PROS1: variants seen among roughly 807,000 people sequenced by gnomAD.
PROS1 encodes vitamin K-dependent protein S.
A neutral mutation model predicts 75.9 loss-of-function variants in PROS1; 29 were observed. The ratio of observed to expected loss-of-function variants is 0.38; its 90% CI spans 0.28 to 0.52. The LOEUF is 0.52. Ranked by LOEUF, PROS1 falls within the 20% of genes least tolerant of loss-of-function variation. The pLI is 0.83. For missense variants in PROS1, 680 were observed against 810.3 expected (o/e 0.84, Z 1.95); for synonymous variants, 245 against 280.6 (o/e 0.87, Z 1.27).
intron 3 of PROS1, among the ~76,000 whole-genome samples, chr3:93,913,547 C>T (rs1355795261): frequency 3.3e-5 from 5 of 152,192 alleles, no homozygotes; most frequent in Non-Finnish European, 5.9e-5. Context: ...ATTACCCAGT[C>T]TCAGGTATGT....
chr3:93,934,690 G>A (rs932374398), intron 1 of PROS1, among the ~76,000 whole-genome samples: 8 of 152,088 alleles, frequency 5.3e-5, no homozygotes, highest in African/African-American at 1.9e-4. Context: ...TGAATGAAAT[G>A]TTACACATAT....
chr3:93,932,003 A>G (rs778910655), intron 1 of PROS1, among the ~76,000 whole-genome samples: 15 of 152,254 alleles, frequency 9.9e-5, no homozygotes, highest in Non-Finnish European at 2.2e-4. Flanking sequence ...TTCTTGCCAG[A>G]AAGATACAGG....
At chr3:93,965,522 C>T (rs1709775755) in intron 1 of PROS1, among the ~76,000 whole-genome samples, 1 of 152,138 alleles carries the variant, frequency 6.6e-6, no homozygotes, top group Admixed American at 6.5e-5. Context: ...ACACTCACTG[C>T]ATGGCCGAAG....
chr3:93,970,764 A>C (rs1709867788), intron 1 of PROS1, among the ~76,000 whole-genome samples: 1 of 152,146 alleles, frequency 6.6e-6, no homozygotes, highest in African/African-American at 2.4e-5. Context: ...TTATTTTTAA[A>C]ACAAATAAGT....
intron 1 of PROS1, among the ~76,000 whole-genome samples, chr3:93,929,377 G>A (rs1709072162): frequency 6.6e-6 from 1 of 152,090 alleles, no homozygotes; most frequent in African/African-American, 2.4e-5. Flanking sequence ...TAGTCAGGAG[G>A]CTGAGGCAGG....
intron 2 of PROS1, among the ~76,000 whole-genome samples, chr3:93,925,746 C>CG (rs1311354324): frequency 7.8e-5 from 11 of 140,310 alleles, no homozygotes; most frequent in Admixed American, 5.5e-4. Context: ...ATTGCCTGAG[C>CG]GGGGGGGTCA....
Position 93,886,422 on chromosome 3 carries a change from G to T in PROS1, c.1237C>A (p.Leu413Ile). The T allele has an allele frequency of 6.2e-7, 1 of 1,613,676 alleles. No individual in the cohort carries two copies. Among genetic ancestry groups the T allele is most frequent in the Non-Finnish European group, 8.5e-7 (1 of 1,179,758 alleles). The change falls in exon 11 of 15, where the codon CTT (leucine) becomes ATT (isoleucine). Residue 413 changes from leucine (L) to isoleucine (I), a missense_variant. Leu to Ile is a conservative substitution (Grantham distance 5). Transcript: ENST00000394236. ...AGCAATCCATTTTCCGGCTTAAAAA[G>T]GGGTCCAGGTTTATTTATATCCATC... ...AVMDINKPGP[L>I]FKPENGLLET...
intron 1 of PROS1, among the ~76,000 whole-genome samples, chr3:93,931,718 A>C (rs1709108910): frequency 6.6e-6 from 1 of 151,634 alleles, no homozygotes; most frequent in African/African-American, 2.4e-5. Context: ...TGGAAGCATA[A>C]TGCCTTCTTT....
intron 4 of PROS1, among the ~76,000 whole-genome samples, chr3:93,907,837 AG>A (rs755307747): frequency 2.5e-4 from 38 of 152,226 alleles, no homozygotes; most frequent in Non-Finnish European, 4.6e-4. Context: ...CAATTCCATG[AG>A]GTAGACAGAA....
chr3:93,971,627 CCACACACACACACA>C (rs748664337), intron 1 of PROS1, among the ~76,000 whole-genome samples: 83 of 124,454 alleles, frequency 6.7e-4, no homozygotes, highest in Non-Finnish European at 8.2e-4. Context: ...AAAATAAAAA[CCACACACACACACA>C]CACACACACA....
intron 3 of PROS1, among the ~76,000 whole-genome samples, chr3:93,917,471 C>T (rs138625242): frequency 6.6e-6 from 1 of 152,190 alleles, no homozygotes; most frequent in East Asian, 1.9e-4. Flanking sequence ...TTGCAGCCCT[C>T]GCTGCTCTGG....
intron 3 of PROS1, among the ~76,000 whole-genome samples, chr3:93,917,411 T>C (rs1205714914): frequency 6.6e-6 from 1 of 152,246 alleles, no homozygotes; most frequent in African/African-American, 2.4e-5. Flanking sequence ...GTGATTCTTG[T>C]CCCTCAGCCT....
chr3:93,935,336 TCCTAC>T, intron 1 of PROS1, among the ~76,000 whole-genome samples: 1 of 152,288 alleles, frequency 6.6e-6, no homozygotes, highest in African/African-American at 2.4e-5. Context: ...CTTTTTTATC[TCCTAC>T]CCACTAGGAC....
intron 2 of PROS1, among the ~76,000 whole-genome samples, chr3:93,926,124 C>T (rs1252350750): frequency 6.6e-6 from 1 of 151,596 alleles, no homozygotes; most frequent in East Asian, 1.9e-4. Context: ...GCATGCCTTA[C>T]AATATTCCAG....
chr3:93,877,749 A>C (rs1443431970), intron 13 of PROS1, among the ~76,000 whole-genome samples: 1 of 152,226 alleles, frequency 6.6e-6, no homozygotes, highest in Non-Finnish European at 1.5e-5. Context: ...ACAGAAAGAA[A>C]ATGTGTTCAT....
chr3:93,924,665 T>C (rs993157977), intron 2 of PROS1, among the ~76,000 whole-genome samples: 3 of 145,690 alleles, frequency 2.1e-5, no homozygotes, highest in South Asian at 4.3e-4. Flanking sequence ...CGTACTCTCT[T>C]TTTTTTTTTT....
intron 1 of PROS1, among the ~76,000 whole-genome samples, chr3:93,960,340 C>A (rs1419571688): frequency 1.3e-5 from 2 of 151,866 alleles, no homozygotes; most frequent in Non-Finnish European, 2.9e-5. Flanking sequence ...CCATGCCCAG[C>A]TAATTTTTTT....
intron 4 of PROS1, among the ~76,000 whole-genome samples, chr3:93,907,493 C>T (rs1245165916): frequency 6.6e-6 from 1 of 152,154 alleles, no homozygotes; most frequent in African/African-American, 2.4e-5. Context: ...GAGCCACCTG[C>T]TTCAAGCCCT....
intron 1 of PROS1, among the ~76,000 whole-genome samples, chr3:93,932,289 G>A (rs1199234619): frequency 6.6e-6 from 1 of 152,186 alleles, no homozygotes; most frequent in Non-Finnish European, 1.5e-5. Context: ...AAAATTTAAA[G>A]TTGAGTTAAT....
Sources: gnomAD v4.1 joint callset for allele counts (sites outside exome capture counted in the v4.1 genomes callset) on GRCh38, gnomAD v4.1.1 for gene constraint, MANE v1.5 for transcripts, NCBI Gene and HGNC (gene_info 2026-07-23, HGNC 2026-07-21) for gene names.